Variants in COMMD10 observed in about 807,000 individuals in gnomAD.
COMMD10 encodes the protein COMM domain containing 10.
In COMMD10, 33 loss-of-function variants were observed where a neutral mutation model predicts 28.9. That is an observed-to-expected ratio of 1.14 (90% CI 0.87 to 1.53). COMMD10 has a LOEUF of 1.53. Among genes scored for constraint, COMMD10 ranks in the 40% most tolerant of loss-of-function variants. The pLI is 0.00. For synonymous variants in COMMD10, 110 were observed against 81.7 expected (o/e 1.35, Z -1.87); for missense variants, 310 against 233.4 (o/e 1.33, Z -2.14).
chr5:116,121,072 T>G (rs923375556), intron 4 of COMMD10, among the ~76,000 whole-genome samples: 1 of 152,198 alleles, frequency 6.6e-6, no homozygotes, highest in Non-Finnish European at 1.5e-5. Context: ...CATGTTGTTA[T>G]GCCGCACCCA....
chr5:116,200,843 A>G (rs993943637), intron 5 of COMMD10, among the ~76,000 whole-genome samples: 2 of 152,026 alleles, frequency 1.3e-5, no homozygotes, highest in African/African-American at 4.8e-5. Context: ...TATTAATCAC[A>G]GTTGTTTTAA....
At chr5:116,212,823 CTG>C (rs919977828) in intron 5 of COMMD10, among the ~76,000 whole-genome samples, 25 of 151,966 alleles carry the variant, frequency 1.6e-4, no homozygotes, top group African/African-American at 4.1e-4. Context: ...ATTATAGAAA[CTG>C]TGGAATATTC....
In COMMD10 at chr5:116,085,098, C is replaced by T; in HGVS notation, c.41+5C>T. On this transcript the variant is annotated splice_donor_5th_base_variant and intron_variant, in intron 1 of 6. Coordinates refer to ENST00000274458, the MANE Select transcript of COMMD10 (RefSeq NM_016144.4). ...GATCCTACGGGAGAGCCCCAGGTAG[C>T]TGATCCGTTAAGCTCTTGCGGTAGC... The T allele has an allele frequency of 3.1e-6, 5 of 1,609,436 alleles. No homozygotes were observed. The highest frequency in any genetic ancestry group is 4.2e-6 in the Non-Finnish European group (5 of 1,178,762).
rs1751618482 is a variant in COMMD10 at position 116,125,991 on chromosome 5, CCT to C, written c.400-8076_400-8075del. On this transcript the variant is annotated intron_variant, in intron 4 of 6. Transcript: ENST00000274458. ...TAGGAAAAGAAGAAGTCAAATTTTCCCTGTTTGCAGATGAGATGATTGTATAT... is the reference window on the plus strand; with the variant it reads ...TAGGAAAAGAAGAAGTCAAATTTTCCGTTTGCAGATGAGATGATTGTATAT... Among the ~76,000 whole-genome samples the C allele has an allele frequency of 3.9e-5, 6 of 152,220 alleles. No homozygotes were observed. In the South Asian group the frequency reaches 1.0e-3, roughly 26 times the overall value.
intron 5 of COMMD10, among the ~76,000 whole-genome samples, chr5:116,270,539 T>C (rs144504247): frequency 2.6e-5 from 4 of 151,984 alleles, no homozygotes; most frequent in Non-Finnish European, 5.9e-5. Flanking sequence ...AAATTCAGCA[T>C]TCTGATTTCT....
At position 116,280,824 on chromosome 5, in the gene COMMD10, A is replaced by C. The variant is rs1368717807; in HGVS notation, c.511-10693A>C. 1.3e-5 allele frequency among the ~76,000 whole-genome samples: 2 copies of C among 151,866 alleles called. 1 individual carries two copies. Among genetic ancestry groups the C allele is most frequent in the African/African-American group, 4.9e-5 (2 of 41,192 alleles). ...ATCTATAATTATATTGTTATAGAGA[A>C]TATATCTGTAGACATATTTAATAAA... On this transcript the variant is annotated intron_variant, in intron 5 of 6. Transcript: ENST00000274458.
chr5:116,176,330 A>G (rs1266738572), intron 5 of COMMD10, among the ~76,000 whole-genome samples: 3 of 152,120 alleles, frequency 2.0e-5, no homozygotes, highest in Non-Finnish European at 4.4e-5. Flanking sequence ...ACTAGGCTGG[A>G]CTGGAATTCC....
chr5:116,091,213 C>T (rs750496998), intron 3 of COMMD10, 24 bp downstream of exon 3: 107 of 1,318,510 alleles, frequency 8.1e-5, no homozygotes, highest in Middle Eastern at 2.0e-4. Context: ...ATCAAATTTT[C>T]TAGCCATGAT....
intron 4 of COMMD10, among the ~76,000 whole-genome samples, chr5:116,101,552 G>A (rs1422378661): frequency 6.6e-6 from 1 of 152,072 alleles, no homozygotes; most frequent in East Asian, 1.9e-4. Flanking sequence ...TCAGCCTCCT[G>A]AGTAGCTGGG....
At chr5:116,131,383 G>C (rs7732371) in intron 4 of COMMD10, among the ~76,000 whole-genome samples, 14,096 of 151,618 alleles carry the variant, frequency 0.093, 1,313 homozygotes, top group African/African-American at 0.25. Context: ...GGTGGGAGGG[G>C]TATGTGTGTG....
At chr5:116,087,642 G>A (rs1162962968) in intron 2 of COMMD10, 55 bp downstream of exon 2, 4 of 1,253,160 alleles carry the variant, frequency 3.2e-6, no homozygotes, top group African/African-American at 1.5e-5. Context: ...TTAATTGAAA[G>A]TCTGATTATT....
At position 116,135,678 on chromosome 5, in the gene COMMD10, A is replaced by G. The variant is rs140657082; in HGVS notation, c.510+1500A>G. ...TATGTTGTTGTAGTTGTTCTATTTT[A>G]TTATTATTGTTGTTAATCTCTTACA... is the stretch of plus-strand genomic sequence containing the variant. On this transcript the variant is annotated intron_variant, in intron 5 of 6. Transcript: ENST00000274458. 3.0e-3 allele frequency among the ~76,000 whole-genome samples: 464 copies of G among 152,290 alleles called. 9 individuals are homozygous for G. The highest frequency in any genetic ancestry group is 0.028 in the Admixed American group (435 of 15,286).
chr5:116,249,643 G>A (rs527858925), intron 5 of COMMD10, among the ~76,000 whole-genome samples: 9 of 151,980 alleles, frequency 5.9e-5, no homozygotes, highest in Admixed American at 5.3e-4. Flanking sequence ...ATGCTGGCAC[G>A]ACTGTGATGG....
At chr5:116,255,272 T>C (rs992834540) in intron 5 of COMMD10, among the ~76,000 whole-genome samples, 3 of 151,778 alleles carry the variant, frequency 2.0e-5, no homozygotes, top group African/African-American at 7.3e-5. Context: ...TCTGTGTCTT[T>C]TAGTTGGAGC....
chr5:116,108,282 C>G (rs1407291580), intron 4 of COMMD10, among the ~76,000 whole-genome samples: 1 of 152,238 alleles, frequency 6.6e-6, no homozygotes, highest in Non-Finnish European at 1.5e-5. Flanking sequence ...ACAGCCACCC[C>G]TTTCCCCAGG....
intron 5 of COMMD10, among the ~76,000 whole-genome samples, chr5:116,198,801 T>A (rs1283796970): frequency 6.6e-6 from 1 of 152,166 alleles, no homozygotes; most frequent in African/African-American, 2.4e-5. Context: ...CTCATTTATT[T>A]TTAGTACTAA....
At chr5:116,262,973 G>T (rs1750487804) in intron 5 of COMMD10, among the ~76,000 whole-genome samples, 1 of 151,654 alleles carries the variant, frequency 6.6e-6, no homozygotes, top group Non-Finnish European at 1.5e-5. Flanking sequence ...ACCTTACAAA[G>T]GGAAAACATG....
intron 5 of COMMD10, among the ~76,000 whole-genome samples, chr5:116,270,428 T>C (rs566532218): frequency 9.4e-4 from 143 of 152,022 alleles, no homozygotes; most frequent in Non-Finnish European, 1.8e-3. Flanking sequence ...GAGAAGATAT[T>C]GACTGTCTTT....
At chr5:116,247,900 A>G (rs1456478380) in intron 5 of COMMD10, among the ~76,000 whole-genome samples, 2 of 151,976 alleles carry the variant, frequency 1.3e-5, no homozygotes, top group East Asian at 3.9e-4. Flanking sequence ...AATCTGTACA[A>G]CAGATCCCCA....
Sources: allele counts gnomAD v4.1 joint callset (sites outside exome capture counted in the v4.1 genomes callset), GRCh38; gene constraint gnomAD v4.1.1; transcripts MANE v1.5; gene names NCBI Gene and HGNC (gene_info 2026-07-23, HGNC 2026-07-21).